DAB1: variants seen among roughly 807,000 people sequenced by gnomAD.
The protein encoded by DAB1 is DAB adaptor protein 1.
In DAB1, 15 loss-of-function variants were observed where a neutral mutation model predicts 64.6. That is an observed-to-expected ratio of 0.23 (90% confidence interval 0.16 to 0.36). The LOEUF is 0.36. Ranked by LOEUF, DAB1 falls within the 10% of genes least tolerant of loss-of-function variation. The probability of loss-of-function intolerance (pLI) is 1.00; values close to 1 mark genes in which losing one functional copy is unlikely to be tolerated. For missense variants in DAB1, 596 were observed against 706.7 expected, an observed-to-expected ratio of 0.84 and a Z score of 1.78; for synonymous variants, 235 against 251.9, an observed-to-expected ratio of 0.93 and a Z score of 0.64.
At chr1:57,280,086 G>A (rs928616162) in intron 2 of DAB1, among the ~76,000 whole-genome samples, 4 of 152,172 alleles carry the variant, frequency 2.6e-5, no homozygotes, top group Non-Finnish European at 1.5e-5. Context: ...AAAGATCTGT[G>A]TGTAAATGGG....
rs556000806 is a variant in DAB1 at position 57,676,994 on chromosome 1, T to C, written n.552-27329A>G. Among the ~76,000 whole-genome samples, 9 of 152,222 alleles carry C rather than the reference T, an allele frequency of 5.9e-5. No individual in the cohort carries two copies. In the East Asian group the frequency reaches 1.7e-3, roughly 29 times the overall value. ...CCCTAAGCTCCATTGTGACTGTATA[T>C]GGAGATAGGGCTGACAAGAAGGTAA... On this transcript the variant is annotated intron_variant and non_coding_transcript_variant, in intron 6 of 20. Transcript: ENST00000485760.
intron 3 of DAB1, among the ~76,000 whole-genome samples, chr1:58,488,554 C>T (rs1461552936): frequency 6.6e-6 from 1 of 152,156 alleles, no homozygotes; most frequent in Non-Finnish European, 1.5e-5. Context: ...CAGGTTCAAG[C>T]AATTCTCCTG....
chr1:57,400,297 A>T (rs977629327), intron 1 of DAB1, among the ~76,000 whole-genome samples: 9 of 152,188 alleles, frequency 5.9e-5, no homozygotes, highest in Non-Finnish European at 1.0e-4. Context: ...AAGAAAAAAA[A>T]ACCAAAAGGT....
chr1:57,004,980 T>C (rs1646013250), intron 14 of DAB1, among the ~76,000 whole-genome samples: 1 of 152,198 alleles, frequency 6.6e-6, no homozygotes, highest in Admixed American at 6.5e-5. Flanking sequence ...TCTTTTTCTT[T>C]ATATTCAAAC....
chr1:57,399,501 A>G (rs757439119), intron 1 of DAB1, among the ~76,000 whole-genome samples: 1 of 152,224 alleles, frequency 6.6e-6, no homozygotes, highest in Non-Finnish European at 1.5e-5. Context: ...TGCTTGTATA[A>G]TAAGTATATG....
intron 5 of DAB1, among the ~76,000 whole-genome samples, chr1:58,041,156 C>G (rs1227359577): frequency 1.3e-5 from 2 of 152,218 alleles, no homozygotes; most frequent in Admixed American, 6.5e-5. Context: ...ATCTGTGAAG[C>G]CTTTAAAGTC....
intron 4 of DAB1, among the ~76,000 whole-genome samples, chr1:58,229,342 C>A (rs1020085610): frequency 6.6e-6 from 1 of 152,086 alleles, no homozygotes; most frequent in Non-Finnish European, 1.5e-5. Flanking sequence ...AAAATAGGTA[C>A]GAGTAAAGGC....
At chr1:57,577,928 T>C (rs897838604) in intron 7 of DAB1, among the ~76,000 whole-genome samples, 1 of 152,142 alleles carries the variant, frequency 6.6e-6, no homozygotes, top group African/African-American at 2.4e-5. Flanking sequence ...AGAGGAAATA[T>C]AAAACAGCTG....
intron 2 of DAB1, among the ~76,000 whole-genome samples, chr1:57,278,670 G>C (rs1020877120): frequency 6.6e-6 from 1 of 152,122 alleles, no homozygotes; most frequent in Non-Finnish European, 1.5e-5. Flanking sequence ...AAGAGAGAGG[G>C]GAACTTCTTC....
At chr1:57,449,169 A>G (rs1056072216) in intron 7 of DAB1, among the ~76,000 whole-genome samples, 1 of 152,184 alleles carries the variant, frequency 6.6e-6, no homozygotes, top group East Asian at 1.9e-4. Context: ...CCCACACTTC[A>G]AAGGAGAAAT....
At chr1:57,163,220 G>C (rs1375153107) in intron 2 of DAB1, among the ~76,000 whole-genome samples, 2 of 152,192 alleles carry the variant, frequency 1.3e-5, no homozygotes, top group South Asian at 2.1e-4. Flanking sequence ...GATCATTCCA[G>C]ATAGGGATAA....
intron 5 of DAB1, among the ~76,000 whole-genome samples, chr1:58,047,583 T>A (rs1198787026): frequency 6.6e-6 from 1 of 152,244 alleles, no homozygotes; most frequent in Non-Finnish European, 1.5e-5. Flanking sequence ...ATTTTGATTT[T>A]TTTTAACCCA....
rs189145152 is a variant in DAB1 at position 57,751,665 on chromosome 1, G to A, written n.552-102000C>T. 3.3e-3 allele frequency among the ~76,000 whole-genome samples: 503 copies of A among 152,160 alleles called. 4 individuals are homozygous for A. The highest frequency in any genetic ancestry group is 3.8e-3 in the Non-Finnish European group (261 of 68,024). On this transcript the variant is annotated intron_variant and non_coding_transcript_variant, in intron 6 of 20. Transcript: ENST00000485760. ...AGGAAGATGGAGAAGAAAAACATGG[G>A]AGAGAAAGGATGCAAAGGAACCAGG...
chr1:57,234,949 C>T (rs1485112066), intron 2 of DAB1, among the ~76,000 whole-genome samples: 1 of 152,192 alleles, frequency 6.6e-6, no homozygotes, highest in African/African-American at 2.4e-5. Context: ...TCTCTGACGT[C>T]CTCTTATATC....
intron 5 of DAB1, among the ~76,000 whole-genome samples, chr1:58,027,040 T>C (rs527967013): frequency 9.8e-5 from 15 of 152,328 alleles, no homozygotes; most frequent in African/African-American, 3.4e-4. Flanking sequence ...AAAAGTGATC[T>C]TAAATACCAT....
chr1:57,446,685 A>C (rs1054028462), intron 7 of DAB1, among the ~76,000 whole-genome samples: 3 of 151,890 alleles, frequency 2.0e-5, no homozygotes, highest in Non-Finnish European at 2.9e-5. Context: ...CTGCACAGTG[A>C]TTCTTTTTTT....
chr1:58,322,870 GA>G lies in DAB1; in HGVS notation n.309+20481del, dbSNP rs1662719831. Among the ~76,000 whole-genome samples the G allele has an allele frequency of 2.6e-5, 4 of 152,140 alleles. No individual in the cohort carries two copies. In the South Asian group the frequency reaches 8.3e-4, roughly 32 times the overall value. ...GTCCATCAATGATAGACTGGATTAA[GA>G]AAATGTGGCACATATGTACCACGGA... On this transcript the variant is annotated intron_variant and non_coding_transcript_variant, in intron 4 of 20. Transcript: ENST00000485760.
intron 7 of DAB1, among the ~76,000 whole-genome samples, chr1:57,637,452 A>T (rs750660577): frequency 6.6e-6 from 1 of 152,200 alleles, no homozygotes; most frequent in East Asian, 1.9e-4. Flanking sequence ...TCTGGGTTTG[A>T]GCAGAGTGGT....
At chr1:57,334,158 G>A (rs555194035) in intron 1 of DAB1, among the ~76,000 whole-genome samples, 1 of 152,212 alleles carries the variant, frequency 6.6e-6, no homozygotes, top group African/African-American at 2.4e-5. Context: ...TGATGAATAT[G>A]GAGGCCAGGC....
Sources: allele counts gnomAD v4.1 joint callset (sites outside exome capture counted in the v4.1 genomes callset), GRCh38; gene constraint gnomAD v4.1.1; transcripts MANE v1.5; gene names NCBI Gene and HGNC (gene_info 2026-07-23, HGNC 2026-07-21).